Variants in MAP3K14 observed in about 807,000 individuals in gnomAD.
MAP3K14 encodes the protein mitogen-activated protein kinase kinase kinase 14.
A neutral mutation model predicts 99.2 loss-of-function variants in MAP3K14; 16 were observed. That is an observed-to-expected ratio of 0.16 (90% CI 0.11 to 0.24). The LOEUF is 0.24. Among genes scored for constraint, MAP3K14 ranks in the 10% least tolerant of loss-of-function variants. The pLI is 1.00. For synonymous variants in MAP3K14, 462 were observed against 492.4 expected (o/e 0.94, Z 0.82); for missense variants, 784 against 1,208.7 (o/e 0.65, Z 5.21).
At chr17:45,270,063 C>T (rs1041894963) in intron 11 of MAP3K14, among the ~76,000 whole-genome samples, 1 of 152,166 alleles carries the variant, frequency 6.6e-6, no homozygotes, top group African/African-American at 2.4e-5. Context: ...AATTAGAGGA[C>T]ACCAAGCTAG....
chr17:45,303,870 C>T (rs1373200098), intron 1 of MAP3K14, among the ~76,000 whole-genome samples: 8 of 151,866 alleles, frequency 5.3e-5, no homozygotes, highest in Admixed American at 2.6e-4. Flanking sequence ...GCGTGAGCCA[C>T]CGTGCCTGGC....
At chr17:45,310,637 A>C (rs2044468096) in intron 1 of MAP3K14, among the ~76,000 whole-genome samples, 1 of 152,184 alleles carries the variant, frequency 6.6e-6, no homozygotes, top group African/African-American at 2.4e-5. Context: ...CAGAGTATGC[A>C]TGCACCTCCT....
intron 1 of MAP3K14, among the ~76,000 whole-genome samples, chr17:45,309,437 G>A (rs1001736211): frequency 2.0e-5 from 3 of 152,190 alleles, no homozygotes; most frequent in Non-Finnish European, 2.9e-5. Flanking sequence ...GTCTGCCTTC[G>A]TGCCCAGCTT....
chr17:45,267,325 G>A lies in MAP3K14; in HGVS notation c.2326+81C>T, dbSNP rs756596832. The A allele has an allele frequency of 4.7e-5, 69 of 1,459,470 alleles. No individual in the cohort carries two copies. The highest frequency in any genetic ancestry group is 5.9e-5 in the Non-Finnish European group (63 of 1,067,544). The allele number at this position is 1,459,470 out of a possible 1,614,324, so 90.4% of individuals were successfully genotyped here. On this transcript the variant is annotated intron_variant, in intron 12 of 15. Coordinates refer to ENST00000344686, the MANE Select transcript of MAP3K14 (RefSeq NM_003954.5). The surrounding 1 kb of genome is among the most constrained non-coding windows in gnomAD (Gnocchi z 5.1). ...AAGGGGCTGGAAGAAAGCCCACACC[G>A]CAGGTAAAGAGAAACACCGGCCTCC...
intron 14 of MAP3K14, 39 bp downstream of exon 14, chr17:45,266,498 G>A: frequency 6.3e-7 from 1 of 1,575,360 alleles, no homozygotes; most frequent in Middle Eastern, 1.7e-4. Flanking sequence ...CAGATCAGCT[G>A]CCACGGGGAC....
At chr17:45,278,283 A>G (rs2044194938) in intron 6 of MAP3K14, among the ~76,000 whole-genome samples, 1 of 152,168 alleles carries the variant, frequency 6.6e-6, no homozygotes, top group Non-Finnish European at 1.5e-5. Flanking sequence ...AAGGTGCTTT[A>G]GAAGTCGGTG....
chr17:45,293,772 T>C (rs1207744885), intron 1 of MAP3K14, among the ~76,000 whole-genome samples: 1 of 152,084 alleles, frequency 6.6e-6, no homozygotes, highest in Non-Finnish European at 1.5e-5. Flanking sequence ...TTGGGACACT[T>C]TGGCCTGACA....
intron 1 of MAP3K14, among the ~76,000 whole-genome samples, chr17:45,294,386 C>G (rs934727668): frequency 1.3e-5 from 2 of 152,230 alleles, no homozygotes; most frequent in Non-Finnish European, 2.9e-5. Context: ...AGTACCAGAT[C>G]AACCTCTGGG....
intron 1 of MAP3K14, among the ~76,000 whole-genome samples, chr17:45,314,744 C>T (rs1287946805): frequency 1.3e-5 from 2 of 152,072 alleles, no homozygotes; most frequent in Non-Finnish European, 2.9e-5. Context: ...TCTGAACTTT[C>T]CCCCCAGAAA....
Position 45,274,739 on chromosome 17 carries a change from C to A in MAP3K14, c.1291-146G>T. 3.2e-6 allele frequency: 3 copies of A among 945,836 alleles called. No homozygotes were observed. The South Asian group carries it at 5.3e-5, about 17-fold the overall frequency. The allele number at this position is 945,836 out of a possible 1,614,324, so 58.6% of individuals were successfully genotyped here. On this transcript the variant is annotated intron_variant, in intron 6 of 15. Transcript: ENST00000344686. ...CAGGGGCCTGGGGGGCCTGCTGGAC[C>A]CTCAGAGGCTAAATTGTGTATCCCG...
At chr17:45,278,125 A>T (rs981309175) in intron 6 of MAP3K14, among the ~76,000 whole-genome samples, 2 of 152,206 alleles carry the variant, frequency 1.3e-5, no homozygotes, top group African/African-American at 4.8e-5. Flanking sequence ...AATGACTGAG[A>T]TATTAACAGG....
intron 1 of MAP3K14, among the ~76,000 whole-genome samples, chr17:45,312,250 T>A (rs1220796774): frequency 6.6e-6 from 1 of 152,146 alleles, no homozygotes; most frequent in South Asian, 2.1e-4. Flanking sequence ...GCCAACCAGT[T>A]ATGGAGCAAG....
At chr17:45,268,883 T>C (rs2143777177) in intron 11 of MAP3K14, among the ~76,000 whole-genome samples, 1 of 152,160 alleles carries the variant, frequency 6.6e-6, no homozygotes, top group Middle Eastern at 3.4e-3. Context: ...TCTGCCTGAG[T>C]GCAGCCAGGT....
intron 8 of MAP3K14, chr17:45,273,917 C>T: frequency 1.4e-6 from 1 of 700,038 alleles, no homozygotes; most frequent in East Asian, 2.7e-5. Flanking sequence ...CTTCGGTTCT[C>T]TGTGGCCACC....
At position 45,267,113 on chromosome 17, in the gene MAP3K14, G is replaced by C; in HGVS notation, c.2412C>G (p.Ser804=). Residue 804 remains serine, a synonymous_variant, in exon 13 of 16, where the codon TCC becomes TCG. Coordinates refer to ENST00000344686, the MANE Select transcript of MAP3K14 (RefSeq NM_003954.5). The surrounding 1 kb of genome is among the most constrained non-coding windows in gnomAD (Gnocchi z 5.1). ...TCACCTTCTCACTGTCATCCGACAG[G>C]GAGAGGCTGTCGATGCTGAGGCACG... ...ILSCLSIDSL[S]LSDDSEKNPS... 1 of 1,592,588 alleles carries C rather than the reference G, an allele frequency of 6.3e-7. No homozygotes were observed. Among genetic ancestry groups the C allele is most frequent in the South Asian group, 1.1e-5 (1 of 87,524 alleles).
At chr17:45,290,367 C>T in intron 2 of MAP3K14, 123 bp downstream of exon 2, 1 of 1,238,194 alleles carries the variant, frequency 8.1e-7, no homozygotes, top group Non-Finnish European at 1.1e-6. Context: ...CTGGTTGTGT[C>T]TCATGAGAAT....
intron 1 of MAP3K14, among the ~76,000 whole-genome samples, chr17:45,306,875 G>C (rs2044434391): frequency 1.3e-5 from 2 of 152,174 alleles, no homozygotes; most frequent in East Asian, 3.8e-4. Flanking sequence ...AGAACATGTC[G>C]GGCAAGGTAG....
chr17:45,291,232 A>T (rs1465329953), intron 1 of MAP3K14, among the ~76,000 whole-genome samples: 2 of 152,156 alleles, frequency 1.3e-5, no homozygotes, highest in East Asian at 3.9e-4. Context: ...CACCATCCAC[A>T]GCGACTTTTC....
At chr17:45,277,076 C>T (rs2044186472) in intron 6 of MAP3K14, among the ~76,000 whole-genome samples, 1 of 152,024 alleles carries the variant, frequency 6.6e-6, no homozygotes, top group African/African-American at 2.4e-5. Context: ...GATCCGCCCA[C>T]CTCAGCCTCC....
Sources: allele counts gnomAD v4.1 joint callset (sites outside exome capture counted in the v4.1 genomes callset), GRCh38; gene constraint gnomAD v4.1.1; non-coding constraint Gnocchi (gnomAD v3.1); transcripts MANE v1.5; gene names NCBI Gene and HGNC (gene_info 2026-07-23, HGNC 2026-07-21).